DPP10: variants seen among roughly 807,000 people sequenced by gnomAD.
DPP10 encodes inactive dipeptidyl peptidase 10.
DPP10 carries 33 observed loss-of-function variants against 120.9 expected under a neutral mutation model. That is an observed-to-expected ratio of 0.27 (90% CI 0.21 to 0.37). DPP10 has a LOEUF of 0.37. DPP10 is among the 10% of genes least tolerant of loss of function. The pLI, the probability that DPP10 is intolerant of heterozygous loss-of-function variation, is 1.00. For missense variants in DPP10, 816 were observed against 942.8 expected, an observed-to-expected ratio of 0.87 and a Z score of 1.76; for synonymous variants, 337 against 326.1, an observed-to-expected ratio of 1.03 and a Z score of -0.36.
intron 19 of DPP10, among the ~76,000 whole-genome samples, chr2:115,810,101 G>T (rs187817825): frequency 0.02 from 2,979 of 151,810 alleles, 93 homozygotes; most frequent in African/African-American, 0.067. Context: ...GGCGGATCTG[G>T]CAGTGAGCCG....
chr2:115,628,447 A>T (rs2085548666), intron 5 of DPP10, among the ~76,000 whole-genome samples: 2 of 151,982 alleles, frequency 1.3e-5, no homozygotes, highest in South Asian at 2.1e-4. Context: ...AATTGGAAAA[A>T]TTTTCTCCCA....
chr2:114,494,603 G>C lies in DPP10; in HGVS notation c.60+51765G>C, dbSNP rs1038220302. ...CAGAGGTTCCTGCTACAAGGATTAG[G>C]AAATCCGGTCATACCTACATTGTGC... On this transcript the variant is annotated intron_variant, in intron 1 of 25. Transcript: ENST00000410059. Among the ~76,000 whole-genome samples the C allele has an allele frequency of 5.3e-4, 80 of 152,102 alleles. 2 individuals carry two copies. The highest frequency in any genetic ancestry group is 1.3e-4 in the Non-Finnish European group (9 of 68,004).
intron 1 of DPP10, among the ~76,000 whole-genome samples, chr2:115,039,506 A>C (rs1360427146): frequency 6.6e-6 from 1 of 152,142 alleles, no homozygotes; most frequent in Non-Finnish European, 1.5e-5. Flanking sequence ...TAAGCATGAC[A>C]TGTTTTCTTA....
chr2:115,587,506 G>A (rs958420881), intron 5 of DPP10, among the ~76,000 whole-genome samples: 4 of 151,962 alleles, frequency 2.6e-5, no homozygotes, highest in African/African-American at 9.7e-5. Context: ...TTCATTTAAC[G>A]TAATATCCTC....
At chr2:115,134,718 G>C (rs549338209) in intron 1 of DPP10, among the ~76,000 whole-genome samples, 1 of 152,208 alleles carries the variant, frequency 6.6e-6, no homozygotes, top group East Asian at 1.9e-4. Flanking sequence ...AACAGGGTCA[G>C]GGGTAAGTGC....
chr2:115,066,961 C>G (rs527824253), intron 1 of DPP10: 2 of 152,026 alleles, frequency 1.3e-5, no homozygotes, highest in Admixed American at 6.6e-5. Flanking sequence ...GTTAAGTATA[C>G]GGTACAGTAT....
chr2:115,407,490 G>T (rs1424373487), intron 3 of DPP10, among the ~76,000 whole-genome samples: 1 of 152,138 alleles, frequency 6.6e-6, no homozygotes, highest in Non-Finnish European at 1.5e-5. Context: ...CTGGCAAAAG[G>T]GGCCATTGTC....
At chr2:114,909,795 A>G in intron 1 of DPP10, among the ~76,000 whole-genome samples, 1 of 152,092 alleles carries the variant, frequency 6.6e-6, no homozygotes, top group East Asian at 1.9e-4. Flanking sequence ...AATCTTCTTT[A>G]TAGGAAGCAC....
At chr2:115,682,681 C>A (rs1202744644) in intron 5 of DPP10, among the ~76,000 whole-genome samples, 1 of 151,834 alleles carries the variant, frequency 6.6e-6, no homozygotes, top group African/African-American at 2.4e-5. Flanking sequence ...AATAGCCCTA[C>A]ATGCAATTGA....
chr2:115,316,871 GC>G (rs936755835), intron 2 of DPP10, among the ~76,000 whole-genome samples: 2 of 152,138 alleles, frequency 1.3e-5, no homozygotes, highest in African/African-American at 2.4e-5. Flanking sequence ...ACTTGAGGAG[GC>G]CAAGGCAGGA....
At chr2:115,672,300 C>G (rs1210669786) in intron 5 of DPP10, among the ~76,000 whole-genome samples, 1 of 152,020 alleles carries the variant, frequency 6.6e-6, no homozygotes, top group Non-Finnish European at 1.5e-5. Context: ...ATTTCATTAG[C>G]AGACACACTT....
intron 3 of DPP10, among the ~76,000 whole-genome samples, chr2:115,474,715 T>C (rs2074959270): frequency 1.6e-5 from 2 of 125,848 alleles, no homozygotes. Context: ...ATCTGCACCC[T>C]GACCATGTGA....
intron 1 of DPP10, among the ~76,000 whole-genome samples, chr2:114,579,231 T>A (rs945347973): frequency 2.0e-5 from 3 of 152,210 alleles, no homozygotes; most frequent in Non-Finnish European, 2.9e-5. Context: ...GGCACTGACT[T>A]GACATATGCG....
At chr2:114,554,296 C>T (rs1352288735) in intron 1 of DPP10, among the ~76,000 whole-genome samples, 7 of 152,294 alleles carry the variant, frequency 4.6e-5, no homozygotes, top group East Asian at 1.9e-4. Context: ...AAGATGCCAG[C>T]GCTTGGCTCA....
intron 2 of DPP10, among the ~76,000 whole-genome samples, chr2:115,332,602 C>T (rs186577106): frequency 6.6e-6 from 1 of 152,184 alleles, no homozygotes; most frequent in African/African-American, 2.4e-5. Flanking sequence ...TTAAATGTGT[C>T]CCAGAGATTC....
intron 1 of DPP10, among the ~76,000 whole-genome samples, chr2:115,264,230 A>G (rs2059369833): frequency 1.3e-5 from 2 of 152,214 alleles, no homozygotes; most frequent in African/African-American, 2.4e-5. Flanking sequence ...TGTGAAAATA[A>G]TGCTGTACAA....
At position 115,098,613 on chromosome 2, in the gene DPP10, A is replaced by G. The variant is rs566830415; in HGVS notation, c.61-210626A>G. The stretch of plus-strand genomic sequence containing the variant: ...AGTAAAAATTCAGTACTATAATCTT[A>G]CGGCACCACCATTGTATAGGCGGCC... On this transcript the variant is annotated intron_variant, in intron 1 of 25. Coordinates refer to ENST00000410059, the MANE Select transcript of DPP10 (RefSeq NM_020868.6). Among the ~76,000 whole-genome samples, 13 of 152,270 alleles carry G rather than the reference A, an allele frequency of 8.5e-5. No homozygotes were observed. In the South Asian group the frequency reaches 2.3e-3, roughly 27 times the overall value.
intron 1 of DPP10, among the ~76,000 whole-genome samples, chr2:114,649,727 T>G (rs1696431167): frequency 6.6e-6 from 1 of 152,230 alleles, no homozygotes; most frequent in Non-Finnish European, 1.5e-5. Flanking sequence ...AATTCAGTTT[T>G]GGACTAGTAT....
At chr2:114,957,943 C>T (rs768593931) in intron 1 of DPP10, among the ~76,000 whole-genome samples, 2 of 151,914 alleles carry the variant, frequency 1.3e-5, no homozygotes, top group Admixed American at 6.6e-5. Context: ...TACCAAAGAC[C>T]GGAGAAGGAT....
Sources: allele counts gnomAD v4.1 joint callset (sites outside exome capture counted in the v4.1 genomes callset), GRCh38; gene constraint gnomAD v4.1.1; transcripts MANE v1.5; gene names NCBI Gene and HGNC (gene_info 2026-07-23, HGNC 2026-07-21).